BICRA: variants seen among roughly 807,000 people sequenced by gnomAD.
The protein encoded by BICRA is BRD4-interacting chromatin-remodeling complex-associated protein.
BICRA carries 31 observed loss-of-function variants against 96.9 expected under a neutral mutation model. That is an observed-to-expected ratio of 0.32 (90% CI 0.24 to 0.43). The LOEUF is 0.43. BICRA is among the 20% of genes least tolerant of loss of function. The pLI is 1.00. For synonymous variants in BICRA, 1,350 were observed against 1,071.8 expected, an observed-to-expected ratio of 1.26 and a Z score of -5.07; for missense variants, 2,283 against 2,190.3, an observed-to-expected ratio of 1.04 and a Z score of -0.84.
chr19:47,655,592 C>G (rs1440061002), intron 1 of BICRA, among the ~76,000 whole-genome samples: 1 of 150,242 alleles, frequency 6.7e-6, no homozygotes, highest in Non-Finnish European at 1.5e-5. Context: ...GTGGCTCATG[C>G]CTGTAATCCC....
chr19:47,681,184 T>C lies in BICRA; in HGVS notation c.2014T>C (p.Ser672Pro). The C allele has an allele frequency of 6.6e-7, 1 of 1,517,958 alleles. No individual in the cohort carries two copies. Among genetic ancestry groups the C allele is most frequent in the South Asian group, 1.2e-5 (1 of 83,782 alleles). 94.0% of individuals were successfully genotyped at this position (1,517,958 alleles called of 1,614,324 possible). Residue 672 changes from serine to proline, a missense_variant, in exon 6 of 15, where the codon TCT becomes CCT. Coordinates refer to ENST00000594866, the MANE Select transcript of BICRA (RefSeq NM_001394372.1). ...TTPQPSPGLA[S>P]SPEKIVLGQP... is the part of the protein sequence containing the mutation. Reference sequence around the variant, plus strand: ...CCCCCAGCCCAGCCCTGGCCTGGCGTCTAGCCCGGAGAAGATCGTCCTGGG... The same window carrying C: ...CCCCCAGCCCAGCCCTGGCCTGGCGCCTAGCCCGGAGAAGATCGTCCTGGG...
intron 1 of BICRA, among the ~76,000 whole-genome samples, chr19:47,665,558 C>A (rs1207473588): frequency 6.6e-6 from 1 of 152,188 alleles, no homozygotes; most frequent in African/African-American, 2.4e-5. Flanking sequence ...CAGCCTCGAA[C>A]TCCTGGGTTC....
At chr19:47,628,266 C>T (rs1038672710) in intron 1 of BICRA, among the ~76,000 whole-genome samples, 1 of 152,142 alleles carries the variant, frequency 6.6e-6, no homozygotes, top group African/African-American at 2.4e-5. Context: ...ACTTGCACAC[C>T]AGTTCCTGGG....
intron 7 of BICRA, among the ~76,000 whole-genome samples, chr19:47,687,657 G>A (rs1217550057): frequency 6.6e-6 from 1 of 151,934 alleles, no homozygotes; most frequent in Non-Finnish European, 1.5e-5. Flanking sequence ...TGAGCCAGGC[G>A]TGATGGTGGG....
At chr19:47,690,294 G>A (rs1039467175) in intron 7 of BICRA, among the ~76,000 whole-genome samples, 24 of 152,254 alleles carry the variant, frequency 1.6e-4, no homozygotes, top group African/African-American at 5.1e-4. Flanking sequence ...GAGCCACCGC[G>A]CCCGGCCTAC....
intron 1 of BICRA, among the ~76,000 whole-genome samples, chr19:47,635,501 C>T (rs896872483): frequency 2.0e-4 from 31 of 152,088 alleles, no homozygotes; most frequent in African/African-American, 7.2e-4. Context: ...TATCCACCTG[C>T]CTTGGCCTCC....
At chr19:47,609,707 GC>G (rs1157841552) in intron 1 of BICRA, among the ~76,000 whole-genome samples, 2 of 151,892 alleles carry the variant, frequency 1.3e-5, no homozygotes, top group East Asian at 3.9e-4. Context: ...CCGGCCGGAG[GC>G]GGAGAGCCTG....
At position 47,649,518 on chromosome 19, in the gene BICRA, C is replaced by T. The variant is rs369110451; in HGVS notation, c.-107-20925C>T. On this transcript the variant is annotated intron_variant, in intron 1 of 14. Transcript: ENST00000594866. Reference sequence around the variant, plus strand: ...ACTTCACTTCCCCACTCACCTGCCACTGTCTGCTCAGTGTCAATGTATTGA... The same window carrying T: ...ACTTCACTTCCCCACTCACCTGCCATTGTCTGCTCAGTGTCAATGTATTGA... Among the ~76,000 whole-genome samples, 20 of 152,340 alleles carry T rather than the reference C, an allele frequency of 1.3e-4. 1 individual carries two copies. The South Asian group carries it at 3.7e-3, about 28-fold the overall frequency.
intron 7 of BICRA, among the ~76,000 whole-genome samples, chr19:47,685,370 G>C (rs1238804259): frequency 6.6e-6 from 1 of 152,178 alleles, no homozygotes; most frequent in African/African-American, 2.4e-5. Flanking sequence ...CAGAGGCTCG[G>C]AGGCACAAGG....
At chr19:47,635,492 A>T (rs183447647) in intron 1 of BICRA, among the ~76,000 whole-genome samples, 18 of 151,966 alleles carry the variant, frequency 1.2e-4, no homozygotes, top group African/African-American at 4.3e-4. Flanking sequence ...GGCTCAAGCT[A>T]TCCACCTGCC....
chr19:47,609,341 C>G (rs981192111), intron 1 of BICRA, among the ~76,000 whole-genome samples, 173 bp downstream of exon 1: 1 of 147,738 alleles, frequency 6.8e-6, no homozygotes, highest in African/African-American at 2.5e-5. Flanking sequence ...CTCTCACACT[C>G]AGCCCCCCAG....
At chr19:47,635,331 T>A (rs1383490490) in intron 1 of BICRA, among the ~76,000 whole-genome samples, 3 of 151,158 alleles carry the variant, frequency 2.0e-5, no homozygotes, top group Non-Finnish European at 4.4e-5. Flanking sequence ...CACTGCAACC[T>A]CCGCCTCCTG....
At chr19:47,616,901 T>C (rs1220516533) in intron 1 of BICRA, among the ~76,000 whole-genome samples, 1 of 151,366 alleles carries the variant, frequency 6.6e-6, no homozygotes, top group Non-Finnish European at 1.5e-5. Flanking sequence ...TGATCTTGGC[T>C]CACTGCAACC....
rs779041360 is a variant in BICRA at position 47,695,031 on chromosome 19, C to T, written c.3027C>T (p.Thr1009=). The change falls in exon 9 of 15, where the codon ACC becomes ACT. Residue 1009 remains threonine, a synonymous_variant. Transcript: ENST00000594866. ...TCAGTGGGCAGGCCCCATCTGGGAC[C>T]CCCACTGCCCCCAGCCACGCCCCCG... ...VLVSGQAPSG[T]PTAPSHAPAP... is the part of the protein sequence containing the mutation. The T allele has an allele frequency of 6.7e-7, 1 of 1,499,528 alleles. No homozygotes were observed. The highest frequency in any genetic ancestry group is 1.9e-4 in the Middle Eastern group (1 of 5,160). The allele number at this position is 1,499,528 out of a possible 1,614,324, so 92.9% of individuals were successfully genotyped here.
intron 11 of BICRA, among the ~76,000 whole-genome samples, chr19:47,697,412 T>A (rs987616119): frequency 2.6e-4 from 39 of 148,320 alleles, no homozygotes; most frequent in African/African-American, 5.2e-4. Context: ...AAAAAAAAAA[T>A]TTTTTTTTAT....
At chr19:47,608,867 G>A, upstream of BICRA, among the ~76,000 whole-genome samples, 1 of 119,850 alleles carries the variant, frequency 8.3e-6, no homozygotes, top group East Asian at 2.4e-4. Context: ...GGAAGGGGGT[G>A]GGGGGCGGAA....
At position 47,698,947 on chromosome 19, in the gene BICRA, C is replaced by T. The variant is rs928812917; in HGVS notation, c.3398-18C>T. 2 of 1,556,156 alleles carry T rather than the reference C, an allele frequency of 1.3e-6. No individual in the cohort carries two copies. Among genetic ancestry groups the T allele is most frequent in the Non-Finnish European group, 1.7e-6 (2 of 1,145,906 alleles). On this transcript the variant is annotated intron_variant, in intron 12 of 14. Transcript: ENST00000594866. This position sits in a 1 kb window ranked among gnomAD's most constrained non-coding sequence, Gnocchi z 4.8. ...GCCCCCAACATCTCCGCCCTTGCCT[C>T]TCTTCCCTTCCTCGCAGTGGACGAG...
At chr19:47,623,846 CTT>C (rs58458331) in intron 1 of BICRA, among the ~76,000 whole-genome samples, 62 of 139,396 alleles carry the variant, frequency 4.4e-4, no homozygotes, top group East Asian at 6.2e-4. Flanking sequence ...CTCTCTCTCT[CTT>C]TTTTTTTTTT....
At position 47,681,137 on chromosome 19, in the gene BICRA, CCGCCCCGCCTCAGGCCA is replaced by C; in HGVS notation, c.1969_1985del (p.Ala657HisfsTer11). On this transcript the variant is annotated frameshift_variant, in exon 6 of 15. Coordinates refer to ENST00000594866, the MANE Select transcript of BICRA (RefSeq NM_001394372.1). LOFTEE classifies it high-confidence loss of function. ...CCGCAGGCCCCCACCCCACAGGCCG[CCGCCCCGCCTCAGGCCA>C]CCACCCCCCAGCCCAGCCCTGGCCT... The C allele has an allele frequency of 1.3e-6, 2 of 1,508,054 alleles. No homozygotes were observed. The highest frequency in any genetic ancestry group is 1.8e-6 in the Non-Finnish European group (2 of 1,126,008). 93.4% of individuals were successfully genotyped at this position (1,508,054 alleles called of 1,614,324 possible).
Sources: gnomAD v4.1 joint callset for allele counts (sites outside exome capture counted in the v4.1 genomes callset) on GRCh38, gnomAD v4.1.1 for gene constraint, Gnocchi (gnomAD v3.1) non-coding constraint, MANE v1.5 for transcripts, NCBI Gene and HGNC (gene_info 2026-07-23, HGNC 2026-07-21) for gene names.